The following CNTN5 variants were observed in gnomAD, a reference collection of about 807,000 sequenced individuals.
The protein encoded by CNTN5 is contactin-5.
A neutral mutation model predicts 129.1 loss-of-function variants in CNTN5; 77 were observed. The ratio of observed to expected loss-of-function variants is 0.60; its 90% CI spans 0.50 to 0.72. The LOEUF is 0.72. Ranked by LOEUF, CNTN5 falls within the 30% of genes least tolerant of loss-of-function variation. CNTN5 has a pLI of 0.00. For synonymous variants in CNTN5, 509 were observed against 465.6 expected (o/e 1.09, Z -1.20); for missense variants, 1,478 against 1,328.8 (o/e 1.11, Z -1.75).
chr11:99,416,593 C>T (rs944925750), intron 2 of CNTN5, among the ~76,000 whole-genome samples: 7 of 152,084 alleles, frequency 4.6e-5, no homozygotes. Context: ...GTCTCTAATA[C>T]TACTGTCACA....
chr11:99,974,249 C>T (rs1937777498), intron 8 of CNTN5, among the ~76,000 whole-genome samples: 1 of 152,162 alleles, frequency 6.6e-6, no homozygotes. Context: ...AGTCCTATTG[C>T]TCATGCTTGT....
chr11:99,423,774 C>G (rs72989824), intron 2 of CNTN5, among the ~76,000 whole-genome samples: 10,776 of 151,442 alleles, frequency 0.071, 668 homozygotes, highest in African/African-American at 0.17. Context: ...GCCATTTGTC[C>G]ACAGTACAGG....
intron 1 of CNTN5, among the ~76,000 whole-genome samples, chr11:99,037,579 T>TTTC (rs1555023995): frequency 1.5e-5 from 2 of 130,474 alleles, no homozygotes; most frequent in African/African-American, 6.8e-5. Context: ...TTCTTTTCTT[T>TTTC]TTTTTTTTTT....
At chr11:100,028,864 T>A (rs1377043629) in intron 9 of CNTN5, among the ~76,000 whole-genome samples, 8 of 152,230 alleles carry the variant, frequency 5.3e-5, no homozygotes, top group African/African-American at 1.9e-4. Context: ...TTTCTTTTTT[T>A]CCTGTGAGTT....
At chr11:99,960,439 C>A (rs1460970321) in intron 8 of CNTN5, among the ~76,000 whole-genome samples, 1 of 151,964 alleles carries the variant, frequency 6.6e-6, no homozygotes, top group African/African-American at 2.4e-5. Context: ...TAGACTAACT[C>A]TATAAACTGG....
intron 2 of CNTN5, among the ~76,000 whole-genome samples, chr11:99,424,625 T>C (rs923053397): frequency 3.3e-5 from 5 of 152,232 alleles, no homozygotes; most frequent in African/African-American, 9.6e-5. Context: ...CTGGGGAACA[T>C]GGTGGTGCCC....
intron 1 of CNTN5, among the ~76,000 whole-genome samples, chr11:99,163,694 C>A (rs1860730925): frequency 6.6e-6 from 1 of 152,094 alleles, no homozygotes; most frequent in Non-Finnish European, 1.5e-5. Flanking sequence ...AGAATCATGG[C>A]AGTTTCAGAT....
At chr11:99,099,658 A>G (rs1866630965) in intron 1 of CNTN5, among the ~76,000 whole-genome samples, 1 of 152,034 alleles carries the variant, frequency 6.6e-6, no homozygotes, top group Non-Finnish European at 1.5e-5. Flanking sequence ...CCCACTTCCT[A>G]GTTAAGTTGC....
chr11:99,246,137 A>G (rs1194527562), intron 1 of CNTN5, among the ~76,000 whole-genome samples: 6 of 152,226 alleles, frequency 3.9e-5, no homozygotes, highest in Admixed American at 1.3e-4. Flanking sequence ...ATTATGAAAA[A>G]TGAGATCTGA....
intron 1 of CNTN5, among the ~76,000 whole-genome samples, chr11:99,138,979 T>G (rs1859375692): frequency 6.6e-6 from 1 of 152,144 alleles, no homozygotes; most frequent in Non-Finnish European, 1.5e-5. Flanking sequence ...AGTAGCTCAC[T>G]CCTGTAATCC....
chr11:100,079,961 A>C (rs553328054), intron 13 of CNTN5, among the ~76,000 whole-genome samples: 1 of 152,306 alleles, frequency 6.6e-6, no homozygotes, highest in South Asian at 2.1e-4. Flanking sequence ...ACAAATATTA[A>C]GTCTTCATTA....
intron 3 of CNTN5, among the ~76,000 whole-genome samples, chr11:99,796,688 A>C (rs543761363): frequency 6.6e-6 from 1 of 151,972 alleles, no homozygotes; most frequent in African/African-American, 2.4e-5. Flanking sequence ...GGCAGGATCA[A>C]TCTGCTCTTT....
intron 6 of CNTN5, among the ~76,000 whole-genome samples, chr11:99,911,669 T>C (rs1464631682): frequency 2.0e-5 from 3 of 151,686 alleles, no homozygotes; most frequent in African/African-American, 7.3e-5. Flanking sequence ...ATTTTTGAAA[T>C]ATTTTTCAGG....
chr11:100,317,410 G>T (rs1008334939), intron 21 of CNTN5, among the ~76,000 whole-genome samples: 56 of 152,148 alleles, frequency 3.7e-4, no homozygotes, highest in Non-Finnish European at 6.5e-4. Flanking sequence ...TGCTGTGTGG[G>T]TAGCCGCCAT....
At chr11:99,693,714 G>A (rs1015084611) in intron 3 of CNTN5, among the ~76,000 whole-genome samples, 10 of 152,060 alleles carry the variant, frequency 6.6e-5, no homozygotes, top group African/African-American at 2.4e-4. Context: ...TATGTCAGTG[G>A]GATTTTGACA....
At chr11:99,275,112 G>A (rs1026952548) in intron 1 of CNTN5, among the ~76,000 whole-genome samples, 8 of 150,818 alleles carry the variant, frequency 5.3e-5, no homozygotes, top group African/African-American at 1.9e-4. Flanking sequence ...TATATATAAT[G>A]AATAAAAAAG....
chr11:100,220,736 A>G (rs1949245888), intron 15 of CNTN5, among the ~76,000 whole-genome samples: 1 of 152,202 alleles, frequency 6.6e-6, no homozygotes, highest in Non-Finnish European at 1.5e-5. Context: ...AGCTCTGAGC[A>G]ATGGAGTGAT....
chr11:99,994,428 G>A lies in CNTN5; in HGVS notation c.878-7606G>A, dbSNP rs139972201. 3.6e-3 allele frequency among the ~76,000 whole-genome samples: 546 copies of A among 152,216 alleles called. 2 individuals carry two copies. Among genetic ancestry groups the A allele is most frequent in the African/African-American group, 0.012 (502 of 41,546 alleles). Reference sequence around the variant, plus strand: ...GAGAAAAAAATCAAAATGAATTACCGTAGCTTTGGAGGTTGAAGTCCCTTT... The same window carrying A: ...GAGAAAAAAATCAAAATGAATTACCATAGCTTTGGAGGTTGAAGTCCCTTT... On this transcript the variant is annotated intron_variant, in intron 8 of 24. Transcript: ENST00000524871.
At chr11:99,533,674 GGT>G (rs1947796902) in intron 2 of CNTN5, among the ~76,000 whole-genome samples, 1 of 152,198 alleles carries the variant, frequency 6.6e-6, no homozygotes, top group African/African-American at 2.4e-5. Context: ...GCTGTTCACT[GGT>G]GGGGGTACAG....
Sources: gnomAD v4.1 joint callset for allele counts (sites outside exome capture counted in the v4.1 genomes callset) on GRCh38, gnomAD v4.1.1 for gene constraint, MANE v1.5 for transcripts, NCBI Gene and HGNC (gene_info 2026-07-23, HGNC 2026-07-21) for gene names.